HMCN2: variants seen among roughly 807,000 people sequenced by gnomAD.
The protein encoded by HMCN2 is hemicentin-2.
HMCN2 carries 325 observed loss-of-function variants against 377.5 expected under a neutral mutation model. The observed-to-expected ratio is 0.86, with a 90% CI of 0.79 to 0.94. HMCN2 has a LOEUF of 0.94. HMCN2 is among the 40% of genes least tolerant of loss of function. The pLI is 0.00. For synonymous variants in HMCN2, 2,007 were observed against 2,046.8 expected (o/e 0.98, Z 0.53); for missense variants, 4,543 against 4,725.3 (o/e 0.96, Z 1.13).
At chr9:130,275,173 G>T (rs942313440) in intron 1 of HMCN2, among the ~76,000 whole-genome samples, 4 of 152,194 alleles carry the variant, frequency 2.6e-5, no homozygotes, top group Admixed American at 6.5e-5. Context: ...GGGAGATGGT[G>T]TCCTGCCTTA....
intron 11 of HMCN2, among the ~76,000 whole-genome samples, chr9:130,305,256 T>C (rs892034882): frequency 2.0e-5 from 3 of 152,214 alleles, no homozygotes; most frequent in Admixed American, 6.5e-5. Context: ...CCAATTTCAA[T>C]TGTGTCTTGT....
intron 76 of HMCN2, 104 bp downstream of exon 76, chr9:130,399,736 T>C (rs1842777778): frequency 4.7e-6 from 4 of 847,996 alleles, no homozygotes; most frequent in Non-Finnish European, 3.2e-6. Context: ...CTTTTTCCTG[T>C]GCTGCACTGG....
chr9:130,418,661 A>G (rs755935016), intron 85 of HMCN2, 111 bp from the exon 86 acceptor site: 24 of 960,426 alleles, frequency 2.5e-5, no homozygotes, highest in Non-Finnish European at 3.4e-5. Flanking sequence ...TGCAGTTCTT[A>G]TTTTCTTCTT....
intron 42 of HMCN2, 21 bp from the exon 43 acceptor site, chr9:130,365,855 T>C (rs4451348): frequency 0.88 from 870,711 of 984,990 alleles, 388,179 homozygotes; most frequent in East Asian, 0.92. Flanking sequence ...CCCCACTAAC[T>C]CTCTCTCTGC....
At chr9:130,306,373 G>T (rs1836859940) in intron 12 of HMCN2, 103 bp downstream of exon 12, 1 of 418,166 alleles carries the variant, frequency 2.4e-6, no homozygotes, top group Non-Finnish European at 5.0e-6. Context: ...ATGGGGAAGA[G>T]AATTTGCCTT....
chr9:130,370,201 G>T (rs1446558779), intron 45 of HMCN2, among the ~76,000 whole-genome samples: 1 of 152,182 alleles, frequency 6.6e-6, no homozygotes, highest in African/African-American at 2.4e-5. Flanking sequence ...TGAGAGACCA[G>T]GAAAACCTTG....
intron 43 of HMCN2, among the ~76,000 whole-genome samples, chr9:130,366,542 C>T (rs976216249): frequency 6.7e-6 from 1 of 148,304 alleles, no homozygotes; most frequent in Non-Finnish European, 1.5e-5. Context: ...CAACCTCCGC[C>T]TCCTGGGTTG....
rs1490896145 is a variant in HMCN2, at chr9:130,377,668, G to A, written c.8081G>A (p.Arg2694Gln). 3.4e-5 allele frequency: 34 copies of A among 985,770 alleles called. No homozygotes were observed. Among genetic ancestry groups the A allele is most frequent in the Non-Finnish European group, 4.0e-5 (33 of 829,964 alleles). 61.1% of individuals were successfully genotyped at this position (985,770 alleles called of 1,614,324 possible). The change falls in exon 53 of 98, where the codon CGG (arginine) becomes CAG (glutamine). Residue 2694 changes from arginine to glutamine, a missense_variant. This residue lies in a region of HMCN2 where 736 missense variants were observed against 773.2 expected (regional missense o/e 0.95). Transcript: ENST00000683500. ...TCACAGCCCGTGACCCCCAGCTCGC[G>A]GCTGCAGGTCCTGGGTGAAGGGCGA... The part of the protein sequence containing the change: ...KDGQPVTPSS[R>Q]LQVLGEGRLL...
In HMCN2 at chr9:130,430,509, C is replaced by T; in HGVS notation, c.14552C>T (p.Ala4851Val). 6.4e-7 allele frequency: 1 copy of T among 1,550,612 alleles called. No homozygotes were observed. The highest frequency in any genetic ancestry group is 8.7e-7 in the Non-Finnish European group (1 of 1,146,976). ...WASIPGTSYH[A>V]WVSLRPGPMA... ...TCGATCCCCGGTACCTCCTACCACG[C>T]CTGGGTCTCTCTCCGTCCGGGTCCC... The change falls in exon 95 of 98, where the codon GCC becomes GTC. Residue 4851 changes from alanine to valine, a missense_variant. By Grantham distance (64) the Ala-to-Val change is moderately conservative. This residue lies in a region of HMCN2 where 1,155 missense variants were observed against 1,157.7 expected (regional missense o/e 1.00). Transcript: ENST00000683500.
intron 62 of HMCN2, among the ~76,000 whole-genome samples, chr9:130,390,440 T>C (rs1045301558): frequency 4.6e-5 from 7 of 152,190 alleles, no homozygotes; most frequent in Non-Finnish European, 1.0e-4. Flanking sequence ...GTCTTTGTGT[T>C]GAGAGGCTGG....
rs561351755 is a variant in HMCN2, at chr9:130,293,360, C to T, written c.613-1495C>T. On this transcript the variant is annotated intron_variant, in intron 4 of 97. Transcript: ENST00000683500. ...GTTGAACCGCCGGGTTTGGAATTCA[C>T]TTGGAGATGTTCTTTTCTCTCTGTG... Among the ~76,000 whole-genome samples the T allele has an allele frequency of 2.3e-5, 3 of 133,276 alleles. No homozygotes were observed. The South Asian group carries it at 7.5e-4, about 33-fold the overall frequency. The allele number at this position is 133,276 out of a possible 152,430, so 87.4% of individuals were successfully genotyped here. A position where few individuals can be genotyped will look rare whatever the true frequency, so the allele number is the denominator to read the frequency against.
intron 22 of HMCN2, among the ~76,000 whole-genome samples, chr9:130,334,681 C>T (rs1380114777): frequency 7.3e-6 from 1 of 136,852 alleles, no homozygotes; most frequent in South Asian, 2.5e-4. Context: ...TGGAGCTGCT[C>T]TTTCTTTCTC....
chr9:130,311,196 G>C (rs1466844853), intron 15 of HMCN2, among the ~76,000 whole-genome samples: 2 of 152,244 alleles, frequency 1.3e-5, no homozygotes, highest in African/African-American at 4.8e-5. Context: ...AGAGTTCTAG[G>C]GAAGCGCAGA....
chr9:130,333,843 C>T (rs1838566426), intron 22 of HMCN2, among the ~76,000 whole-genome samples: 1 of 152,224 alleles, frequency 6.6e-6, no homozygotes, highest in African/African-American at 2.4e-5. Flanking sequence ...CTCCGCAGAG[C>T]ATGCGCAGGG....
At chr9:130,280,304 A>G (rs1554925220) in intron 1 of HMCN2, among the ~76,000 whole-genome samples, 1 of 149,692 alleles carries the variant, frequency 6.7e-6, no homozygotes, top group African/African-American at 2.5e-5. Context: ...CTGGGACTAC[A>G]GGTGCCTGCC....
At chr9:130,405,501 T>C (rs1222152788) in intron 81 of HMCN2, among the ~76,000 whole-genome samples, 1 of 152,064 alleles carries the variant, frequency 6.6e-6, no homozygotes, top group Non-Finnish European at 1.5e-5. Flanking sequence ...CCAGATGGGT[T>C]CAGTGGACAC....
At chr9:130,280,716 G>A (rs1286436506) in intron 1 of HMCN2, among the ~76,000 whole-genome samples, 1 of 152,096 alleles carries the variant, frequency 6.6e-6, no homozygotes, top group Non-Finnish European at 1.5e-5. Context: ...AAAATAGTAT[G>A]TATTTTTGTA....
rs1554932240 is a variant in HMCN2, at chr9:130,296,671, T to C, written c.892-3T>C. The C allele has an allele frequency of 4.2e-6, 2 of 471,050 alleles. No individual in the cohort carries two copies. Among genetic ancestry groups the C allele is most frequent in the Non-Finnish European group, 8.8e-6 (2 of 227,048 alleles). The allele number at this position is 471,050 out of a possible 1,614,324, so 29.2% of individuals were successfully genotyped here. On this transcript the variant is annotated splice_polypyrimidine_tract_variant and splice_region_variant and intron_variant, in intron 6 of 97. Transcript: ENST00000683500. ...GGTGATGTGAGACCTGGGCCTGCGC[T>C]AGGTCTATAGCAGTGGCCGCCATTC...
chr9:130,289,857 G>A (rs1835646473), intron 4 of HMCN2, among the ~76,000 whole-genome samples: 1 of 152,184 alleles, frequency 6.6e-6, no homozygotes, highest in African/African-American at 2.4e-5. Flanking sequence ...CTGGCACAGG[G>A]CCCAGGACCC....
Sources: gnomAD v4.1 joint callset for allele counts (sites outside exome capture counted in the v4.1 genomes callset) on GRCh38, gnomAD v4.1.1 for gene constraint, gnomAD v4.1.1 regional missense constraint, MANE v1.5 for transcripts, NCBI Gene and HGNC (gene_info 2026-07-23, HGNC 2026-07-21) for gene names.